KCNJ3: variants seen among roughly 807,000 people sequenced by gnomAD.
KCNJ3 encodes potassium inwardly rectifying channel subfamily J member 3, also known as G protein-activated inward rectifier potassium channel 1.
Under a neutral mutation model 39.2 loss-of-function variants are expected in KCNJ3, and 4 were observed. The ratio of observed to expected loss-of-function variants is 0.10; its 90% CI spans 0.05 to 0.23. The LOEUF is 0.23. KCNJ3 is among the 10% of genes least tolerant of loss of function. The pLI is 1.00. For synonymous variants in KCNJ3, 230 were observed against 237.4 expected (o/e 0.97, Z 0.29); for missense variants, 276 against 634.9 (o/e 0.43, Z 6.08).
intron 2 of KCNJ3, among the ~76,000 whole-genome samples, chr2:154,760,617 A>G (rs1190802904): frequency 6.6e-6 from 1 of 151,808 alleles, no homozygotes; most frequent in Non-Finnish European, 1.5e-5. Context: ...GTAGTGGTAT[A>G]ATCGTGGTCT....
chr2:154,858,142 T>C lies in KCNJ3; in HGVS notation c.*2829T>C, dbSNP rs1248245938. 2 of 152,074 alleles carry C rather than the reference T, an allele frequency of 1.3e-5. No homozygotes were observed. The highest frequency in any genetic ancestry group is 2.9e-5 in the Non-Finnish European group (2 of 68,000). 9.4% of individuals were successfully genotyped at this position (152,074 alleles called of 1,614,324 possible). A position where few individuals can be genotyped will look rare whatever the true frequency, so the allele number is the denominator to read the frequency against. On this transcript the variant is annotated 3_prime_UTR_variant, in exon 3 of 3. Transcript: ENST00000295101. ...GGAAAGGTATGATTTCTGCATGTAATTGCAGTTTAACCCTTATTTCTAGGT... is the reference window on the plus strand; with the variant it reads ...GGAAAGGTATGATTTCTGCATGTAACTGCAGTTTAACCCTTATTTCTAGGT...
chr2:154,714,950 T>C (rs1685158172), intron 2 of KCNJ3, among the ~76,000 whole-genome samples: 1 of 152,058 alleles, frequency 6.6e-6, no homozygotes, highest in African/African-American at 2.4e-5. Flanking sequence ...GCAAGAGGGA[T>C]TGGGAGTGTA....
At chr2:154,778,979 A>G (rs1686387072) in intron 2 of KCNJ3, among the ~76,000 whole-genome samples, 1 of 152,148 alleles carries the variant, frequency 6.6e-6, no homozygotes, top group Non-Finnish European at 1.5e-5. Context: ...ATAATAATAT[A>G]CTTCTGAGGT....
At chr2:154,800,654 A>G (rs924981105) in intron 2 of KCNJ3, among the ~76,000 whole-genome samples, 4 of 152,122 alleles carry the variant, frequency 2.6e-5, no homozygotes, top group Admixed American at 1.3e-4. Context: ...TCTTTATACT[A>G]TCTTGTTCAT....
At chr2:154,771,949 A>G (rs1213280412) in intron 2 of KCNJ3, among the ~76,000 whole-genome samples, 12 of 152,194 alleles carry the variant, frequency 7.9e-5, no homozygotes. Context: ...TATTAGAGTA[A>G]TATGCTAGCT....
rs773664769 is a variant in KCNJ3 at position 154,698,736 on chromosome 2, C to T, written c.-40C>T. The T allele has an allele frequency of 3.6e-6, 5 of 1,399,786 alleles. No homozygotes were observed. The East Asian group carries it at 9.5e-5, about 27-fold the overall frequency. 86.7% of individuals were successfully genotyped at this position (1,399,786 alleles called of 1,614,324 possible). ...TAGTTTGCAGCGCCCAGCTCCTGCG[C>T]CTTCGCTTCGCGTTTGAATCTGGCT... On this transcript the variant is annotated 5_prime_UTR_variant, in exon 1 of 3. Coordinates refer to ENST00000295101, the MANE Select transcript of KCNJ3 (RefSeq NM_002239.4).
chr2:154,855,325 C>G lies in KCNJ3; in HGVS notation c.*12C>G. 3 of 1,522,150 alleles carry G rather than the reference C, an allele frequency of 2.0e-6. No homozygotes were observed. Among genetic ancestry groups the G allele is most frequent in the Non-Finnish European group, 2.7e-6 (3 of 1,121,070 alleles). 94.3% of individuals were successfully genotyped at this position (1,522,150 alleles called of 1,614,324 possible). On this transcript the variant is annotated 3_prime_UTR_variant, in exon 3 of 3. Coordinates refer to ENST00000295101, the MANE Select transcript of KCNJ3 (RefSeq NM_002239.4). The stretch of plus-strand genomic sequence containing the variant: ...ATCGCTTCACATAACAAAGCACTCC[C>G]TTAGGCATTATTTAATGTTTGATTT...
At chr2:154,814,693 A>G (rs539130201) in intron 2 of KCNJ3, among the ~76,000 whole-genome samples, 1 of 152,244 alleles carries the variant, frequency 6.6e-6, no homozygotes, top group Admixed American at 6.5e-5. Context: ...TAAGGGAGGA[A>G]ATCTCTCAAT....
intron 2 of KCNJ3, among the ~76,000 whole-genome samples, chr2:154,777,640 C>T (rs1686362081): frequency 6.6e-6 from 1 of 152,248 alleles, no homozygotes; most frequent in African/African-American, 2.4e-5. Flanking sequence ...TTTCTCCCAC[C>T]CCCACTGTGT....
chr2:154,739,003 T>C (rs1452475421), intron 2 of KCNJ3, among the ~76,000 whole-genome samples: 1 of 152,096 alleles, frequency 6.6e-6, no homozygotes, highest in Non-Finnish European at 1.5e-5. Context: ...TCATTATTGT[T>C]AATGCAATAC....
chr2:154,769,887 A>G (rs918779321), intron 2 of KCNJ3, among the ~76,000 whole-genome samples: 1 of 152,130 alleles, frequency 6.6e-6, no homozygotes, highest in African/African-American at 2.4e-5. Context: ...GGAAAGCTTT[A>G]TGAATCCCAA....
At chr2:154,778,488 A>G (rs756614347) in intron 2 of KCNJ3, among the ~76,000 whole-genome samples, 1 of 152,112 alleles carries the variant, frequency 6.6e-6, no homozygotes, top group Non-Finnish European at 1.5e-5. Flanking sequence ...AGTGTGTTCT[A>G]CAATATCAGT....
chr2:154,759,064 T>C (rs1481945356), intron 2 of KCNJ3, among the ~76,000 whole-genome samples: 1 of 152,202 alleles, frequency 6.6e-6, no homozygotes, highest in Non-Finnish European at 1.5e-5. Flanking sequence ...ATTCTCTGTT[T>C]ATGCTGACTC....
chr2:154,841,469 C>T (rs1457661328), intron 2 of KCNJ3, among the ~76,000 whole-genome samples: 7 of 152,182 alleles, frequency 4.6e-5, no homozygotes, highest in Non-Finnish European at 8.8e-5. Flanking sequence ...AGAGGATTCC[C>T]TCTTTTTCTG....
At chr2:154,753,966 C>T (rs77192025) in intron 2 of KCNJ3, among the ~76,000 whole-genome samples, 5,505 of 152,180 alleles carry the variant, frequency 0.036, 138 homozygotes, top group Non-Finnish European at 0.054. Flanking sequence ...TTATCAAAAA[C>T]AGAAAATTAG....
Position 154,701,901 on chromosome 2 carries a change from G to A in KCNJ3, c.702+2424G>A, listed in dbSNP as rs1296528155. On this transcript the variant is annotated intron_variant, in intron 1 of 2. Transcript: ENST00000295101. Reference sequence around the variant, plus strand: ...TTGTTCAAAGTTAATCTTTCCTGTAGGCATGGTAATTTAAATGAATTGCTG... The same window carrying A: ...TTGTTCAAAGTTAATCTTTCCTGTAAGCATGGTAATTTAAATGAATTGCTG... Among the ~76,000 whole-genome samples the A allele has an allele frequency of 2.6e-5, 4 of 151,892 alleles. No individual in the cohort carries two copies. In the East Asian group the frequency reaches 7.7e-4, roughly 29 times the overall value.
chr2:154,809,884 AATATT>A (rs1389330071), intron 2 of KCNJ3, among the ~76,000 whole-genome samples: 1 of 106,310 alleles, frequency 9.4e-6, no homozygotes, highest in African/African-American at 3.1e-5. Flanking sequence ...TATCATAGAA[AATATT>A]ATATATATAT....
intron 2 of KCNJ3, among the ~76,000 whole-genome samples, chr2:154,748,701 GAGTA>G (rs1685787768): frequency 6.6e-6 from 1 of 152,000 alleles, no homozygotes; most frequent in Non-Finnish European, 1.5e-5. Flanking sequence ...TATGAAAATA[GAGTA>G]AGTAATGACT....
At chr2:154,738,046 G>A (rs1685577846) in intron 2 of KCNJ3, among the ~76,000 whole-genome samples, 1 of 152,034 alleles carries the variant, frequency 6.6e-6, no homozygotes, top group Admixed American at 6.6e-5. Flanking sequence ...ATCTGTTGAT[G>A]GACACTTATT....
Sources: allele counts gnomAD v4.1 joint callset (sites outside exome capture counted in the v4.1 genomes callset), GRCh38; gene constraint gnomAD v4.1.1; transcripts MANE v1.5; gene names NCBI Gene and HGNC (gene_info 2026-07-23, HGNC 2026-07-21).